Variants in FNBP1 observed in about 807,000 individuals in gnomAD.
The protein encoded by FNBP1 is formin binding protein 1.
In FNBP1, 26 loss-of-function variants were observed where a neutral mutation model predicts 90.6. The observed-to-expected ratio is 0.29, with a 90% confidence interval of 0.21 to 0.40. FNBP1 has a LOEUF of 0.40. Ranked by LOEUF, FNBP1 falls within the 10% of genes least tolerant of loss-of-function variation. The pLI, the probability that FNBP1 is intolerant of heterozygous loss-of-function variation, is 1.00. For missense variants in FNBP1, 635 were observed against 768.0 expected, an observed-to-expected ratio of 0.83 and a Z score of 2.05; for synonymous variants, 260 against 265.2, an observed-to-expected ratio of 0.98 and a Z score of 0.19.
intron 11 of FNBP1, chr9:129,910,269 T>C: frequency 4.5e-6 from 2 of 446,570 alleles, no homozygotes; most frequent in Non-Finnish European, 9.0e-6. Flanking sequence ...GATCATAAGG[T>C]CAGGAGTTTG....
intron 16 of FNBP1, among the ~76,000 whole-genome samples, chr9:129,893,914 CAAAA>C (rs34164874): frequency 1.0e-4 from 12 of 115,824 alleles, no homozygotes; most frequent in Middle Eastern, 3.9e-3. Context: ...GACTCCATCT[CAAAA>C]AAAAAAAAAA....
chr9:129,891,775 A>G (rs2035131520), intron 16 of FNBP1, among the ~76,000 whole-genome samples: 1 of 152,220 alleles, frequency 6.6e-6, no homozygotes, highest in Non-Finnish European at 1.5e-5. Context: ...TTTTTAAAAA[A>G]GCATTGGGCT....
At chr9:129,955,830 AGC>A (rs199740942) in intron 6 of FNBP1, among the ~76,000 whole-genome samples, 21,743 of 77,108 alleles carry the variant, frequency 0.28, 1,784 homozygotes, top group East Asian at 0.36. Flanking sequence ...TACTTCTTTT[AGC>A]GCGCACACAC....
At position 129,957,547 on chromosome 9, in the gene FNBP1, G is replaced by T; in HGVS notation, c.409-83C>A. Reference sequence around the variant, plus strand: ...TTATCTAAAGCTCCCAAAGAGCATTGTTCTTTTTCTTTTTTTTTTCTTCAG... The same window carrying T: ...TTATCTAAAGCTCCCAAAGAGCATTTTTCTTTTTCTTTTTTTTTTCTTCAG... On this transcript the variant is annotated intron_variant, in intron 5 of 16. Transcript: ENST00000446176. The surrounding 1 kb of genome is among the most constrained non-coding windows in gnomAD (Gnocchi z 4.3). 1.9e-6 allele frequency: 2 copies of T among 1,078,044 alleles called. No homozygotes were observed. Among genetic ancestry groups the T allele is most frequent in the Non-Finnish European group, 2.7e-6 (2 of 741,946 alleles). 66.8% of individuals were successfully genotyped at this position (1,078,044 alleles called of 1,614,324 possible). A position where few individuals can be genotyped will look rare whatever the true frequency, so the allele number is the denominator to read the frequency against.
intron 16 of FNBP1, chr9:129,895,494 C>A: frequency 8.5e-7 from 1 of 1,171,478 alleles, no homozygotes; most frequent in Non-Finnish European, 1.1e-6. Context: ...CTTTTAAATT[C>A]AGAAAGATGA....
At chr9:129,939,080 C>A (rs953280641) in intron 6 of FNBP1, among the ~76,000 whole-genome samples, 1 of 152,028 alleles carries the variant, frequency 6.6e-6, no homozygotes. Context: ...CAGATTCAAG[C>A]GATTCTCCTG....
At chr9:130,011,215 CAAAAAAAAAAAAAA>C (rs1192541205) in intron 1 of FNBP1, among the ~76,000 whole-genome samples, 65 of 13,414 alleles carry the variant, frequency 4.8e-3, no homozygotes, top group African/African-American at 0.014. Flanking sequence ...GACTCCATCT[CAAAAAAAAAAAAAA>C]AAAAAAAAAA....
intron 1 of FNBP1, among the ~76,000 whole-genome samples, chr9:130,016,252 A>AG: frequency 6.6e-6 from 1 of 152,266 alleles, no homozygotes; most frequent in African/African-American, 2.4e-5. Context: ...GGAGGTGATT[A>AG]GGTCATGAGG....
intron 10 of FNBP1, among the ~76,000 whole-genome samples, chr9:129,921,360 A>G (rs553182781): frequency 2.7e-5 from 4 of 150,450 alleles, no homozygotes; most frequent in African/African-American, 4.9e-5. Context: ...GACTACAGGC[A>G]CATGCCACCA....
intron 4 of FNBP1, among the ~76,000 whole-genome samples, chr9:129,959,850 G>A (rs1039240965): frequency 1.8e-4 from 27 of 152,096 alleles, no homozygotes; most frequent in African/African-American, 6.3e-4. Context: ...GCCCTAGGGA[G>A]CCTGTTTCTG....
At chr9:130,020,081 G>A (rs1056127404) in intron 1 of FNBP1, among the ~76,000 whole-genome samples, 8 of 152,272 alleles carry the variant, frequency 5.3e-5, no homozygotes, top group South Asian at 2.1e-4. Flanking sequence ...CTGTCAAAAC[G>A]CTACCATGAT....
intron 1 of FNBP1, among the ~76,000 whole-genome samples, chr9:130,006,885 A>G (rs1055575900): frequency 2.6e-5 from 4 of 152,174 alleles, no homozygotes; most frequent in African/African-American, 9.7e-5. Context: ...GGTTAAAAAA[A>G]TAAAACTTAG....
chr9:129,899,843 G>A, intron 15 of FNBP1, 122 bp downstream of exon 15: 1 of 851,180 alleles, frequency 1.2e-6, no homozygotes, highest in South Asian at 2.8e-5. Flanking sequence ...TAGGAAGGAA[G>A]GAAGGAAGGA....
At chr9:129,909,500 C>T (rs1401311736) in intron 11 of FNBP1, among the ~76,000 whole-genome samples, 1 of 152,034 alleles carries the variant, frequency 6.6e-6, no homozygotes, top group Non-Finnish European at 1.5e-5. Flanking sequence ...GTCTCCACCC[C>T]TGTAAAGTGA....
In FNBP1 at chr9:129,930,629, C is replaced by T. The variant is rs190352428; in HGVS notation, c.514-934G>A. Among the ~76,000 whole-genome samples the T allele has an allele frequency of 2.5e-4, 38 of 152,124 alleles. 1 individual carries two copies. Among genetic ancestry groups the T allele is most frequent in the Admixed American group, 2.2e-3 (34 of 15,270 alleles). ...TTCTCTAATTCATATTCTGATTGAT[C>T]ACATACCTAAAAAAGGGGCAACAAT... On this transcript the variant is annotated intron_variant, in intron 6 of 16. Transcript: ENST00000446176.
the FNBP1 span, among the ~76,000 whole-genome samples, chr9:130,052,226 T>A: frequency 6.6e-6 from 1 of 152,126 alleles, no homozygotes; most frequent in Non-Finnish European, 1.5e-5. Context: ...GAAGAAGATA[T>A]CCTCTTAAAC....
At position 129,966,503 on chromosome 9, in the gene FNBP1, C is replaced by T. The variant is rs751712898; in HGVS notation, c.346-7950G>A. On this transcript the variant is annotated intron_variant, in intron 4 of 16. Transcript: ENST00000446176. The surrounding 1 kb of genome is among the most constrained non-coding windows in gnomAD (Gnocchi z 4.3). ...CAGCACTTTGGGAGGTCGAGATGGG[C>T]GGATCATTTGAGGTCAGGAGTTCGA... 1.3e-4 allele frequency among the ~76,000 whole-genome samples: 20 copies of T among 151,972 alleles called. No homozygotes were observed. Among genetic ancestry groups the T allele is most frequent in the Non-Finnish European group, 2.9e-4 (20 of 67,986 alleles).
chr9:130,017,983 G>A (rs7874329), intron 1 of FNBP1, among the ~76,000 whole-genome samples: 7 of 137,650 alleles, frequency 5.1e-5, no homozygotes, highest in Non-Finnish European at 7.8e-5. Flanking sequence ...GTGCAATCTC[G>A]GCTCACTGCA....
chr9:129,969,125 A>C (rs972049934), intron 4 of FNBP1, among the ~76,000 whole-genome samples: 1 of 152,210 alleles, frequency 6.6e-6, no homozygotes, highest in African/African-American at 2.4e-5. Context: ...GTTCTTATGG[A>C]GGAATATATG....
Sources: gnomAD v4.1 joint callset for allele counts (sites outside exome capture counted in the v4.1 genomes callset) on GRCh38, gnomAD v4.1.1 for gene constraint, Gnocchi (gnomAD v3.1) non-coding constraint, MANE v1.5 for transcripts, NCBI Gene and HGNC (gene_info 2026-07-23, HGNC 2026-07-21) for gene names.